PRELID2: variants seen among roughly 807,000 people sequenced by gnomAD.
PRELID2 encodes the protein PRELI domain-containing protein 2.
PRELID2 carries 25 observed loss-of-function variants against 28.4 expected under a neutral mutation model. The ratio of observed to expected loss-of-function variants is 0.88; its 90% CI spans 0.64 to 1.23. The LOEUF (loss-of-function observed/expected upper bound fraction) is 1.23. Among genes scored for constraint, PRELID2 ranks in the 50% most tolerant of loss-of-function variants. The pLI, the probability that PRELID2 is intolerant of heterozygous loss-of-function variation, is 0.00. For synonymous variants in PRELID2, 76 were observed against 71.6 expected (o/e 1.06, Z -0.31); for missense variants, 201 against 214.4 (o/e 0.94, Z 0.39).
the PRELID2 span, among the ~76,000 whole-genome samples, chr5:145,341,863 C>G: frequency 1.6e-4 from 24 of 152,012 alleles, no homozygotes; most frequent in Non-Finnish European, 5.9e-5. Context: ...ATAAATTTCC[C>G]AAGTCTAGCA....
chr5:145,279,687 C>T, the PRELID2 span, among the ~76,000 whole-genome samples: 1 of 152,014 alleles, frequency 6.6e-6, no homozygotes, highest in East Asian at 1.9e-4. Context: ...TTTAGTTTTT[C>T]AATTAAATTC....
At chr5:145,701,657 A>T (rs187043150) in intron 1 of PRELID2, among the ~76,000 whole-genome samples, 15 of 152,258 alleles carry the variant, frequency 9.9e-5, no homozygotes, top group Admixed American at 6.5e-5. Context: ...TCTAAAAATC[A>T]ATAAATGACC....
At chr5:145,341,512 C>A in the PRELID2 span, among the ~76,000 whole-genome samples, 2 of 151,890 alleles carry the variant, frequency 1.3e-5, no homozygotes, top group Non-Finnish European at 2.9e-5. Flanking sequence ...TGCACTCCAA[C>A]CTGGGCAACA....
At chr5:145,417,550 T>C in the PRELID2 span, among the ~76,000 whole-genome samples, 1 of 152,126 alleles carries the variant, frequency 6.6e-6, no homozygotes, top group Non-Finnish European at 1.5e-5. Context: ...TTATCCACCA[T>C]GATCAAGTTG....
chr5:145,796,321 A>T, intron 5 of PRELID2, 121 bp downstream of exon 5: 1 of 516,100 alleles, frequency 1.9e-6, no homozygotes. Context: ...TTTTGCATAT[A>T]TTTGTTTATT....
chr5:145,683,747 T>A (rs1754983240), intron 1 of PRELID2, among the ~76,000 whole-genome samples: 2 of 152,184 alleles, frequency 1.3e-5, no homozygotes, highest in South Asian at 4.2e-4. Flanking sequence ...ACACATGAAT[T>A]GTAGGAGAGA....
At chr5:145,664,146 ATTG>A (rs1186940635) in intron 1 of PRELID2, among the ~76,000 whole-genome samples, 2 of 152,148 alleles carry the variant, frequency 1.3e-5, no homozygotes, top group East Asian at 1.9e-4. Context: ...GTGCTGGTAA[ATTG>A]TTGTTCCTTG....
chr5:145,579,609 T>C lies in PRELID2; in HGVS notation n.71-106294A>G, dbSNP rs959533760. Among the ~76,000 whole-genome samples the C allele has an allele frequency of 3.9e-5, 6 of 152,244 alleles. No homozygotes were observed. The East Asian group carries it at 1.2e-3, about 29-fold the overall frequency. On this transcript the variant is annotated intron_variant and non_coding_transcript_variant, in intron 1 of 2. Transcript: ENST00000510259. Reference sequence around the variant, plus strand: ...AGCAAATAGAGTTGTCTGTAGACACTGGCTGGAGTGAATCATTGAGTCACC... The same window carrying C: ...AGCAAATAGAGTTGTCTGTAGACACCGGCTGGAGTGAATCATTGAGTCACC...
chr5:145,791,071 A>G (rs1166523614), intron 5 of PRELID2, among the ~76,000 whole-genome samples: 1 of 152,062 alleles, frequency 6.6e-6, no homozygotes, highest in Non-Finnish European at 1.5e-5. Context: ...CCACTGAGTA[A>G]TTTATAAAGG....
chr5:145,329,484 G>T, the PRELID2 span, among the ~76,000 whole-genome samples: 2 of 152,216 alleles, frequency 1.3e-5, no homozygotes, highest in Admixed American at 1.3e-4. Context: ...TCTCCTTGAA[G>T]AGGCCCTTCA....
chr5:145,426,532 A>G, the PRELID2 span, among the ~76,000 whole-genome samples: 2 of 152,322 alleles, frequency 1.3e-5, no homozygotes, highest in African/African-American at 4.8e-5. Flanking sequence ...ACCAAGTATA[A>G]TATAAAGGGG....
At chr5:145,363,915 A>G in the PRELID2 span, among the ~76,000 whole-genome samples, 1 of 152,048 alleles carries the variant, frequency 6.6e-6, no homozygotes, top group East Asian at 1.9e-4. Context: ...GAAACATTTA[A>G]ACTTTCAGTA....
chr5:145,426,926 C>T, the PRELID2 span, among the ~76,000 whole-genome samples: 1 of 152,164 alleles, frequency 6.6e-6, no homozygotes, highest in African/African-American at 2.4e-5. Context: ...CGCATGGAGG[C>T]TTCCAAAGAC....
the PRELID2 span, among the ~76,000 whole-genome samples, chr5:145,461,695 A>G: frequency 3.3e-5 from 5 of 152,194 alleles, no homozygotes; most frequent in Non-Finnish European, 7.3e-5. Flanking sequence ...AATTATTGTT[A>G]TTCTATAAAA....
At chr5:145,733,446 T>G (rs1435010170) in intron 1 of PRELID2, among the ~76,000 whole-genome samples, 1 of 152,190 alleles carries the variant, frequency 6.6e-6, no homozygotes. Flanking sequence ...GTGAATAATT[T>G]TATCTTAAAG....
intron 1 of PRELID2, among the ~76,000 whole-genome samples, chr5:145,742,144 T>C (rs1480918097): frequency 8.1e-6 from 1 of 123,048 alleles, no homozygotes; most frequent in Non-Finnish European, 1.6e-5. Context: ...ATAAATAAAT[T>C]TATTTATTTA....
chr5:145,529,110 G>A (rs1752634537), intron 1 of PRELID2, among the ~76,000 whole-genome samples: 1 of 152,120 alleles, frequency 6.6e-6, no homozygotes, highest in Admixed American at 6.6e-5. Context: ...AAATTAATTT[G>A]GCATATAATG....
At chr5:145,234,920 T>A in the PRELID2 span, among the ~76,000 whole-genome samples, 1 of 152,136 alleles carries the variant, frequency 6.6e-6, no homozygotes, top group Non-Finnish European at 1.5e-5. Flanking sequence ...CAGTATGTCC[T>A]CTTCTTCCTC....
intron 1 of PRELID2, among the ~76,000 whole-genome samples, chr5:145,553,182 A>AC (rs1181624545): frequency 0.086 from 9,158 of 106,450 alleles, 387 homozygotes; most frequent in South Asian, 0.12. Flanking sequence ...TTGCTAGAGG[A>AC]CCCCCCCCCC....
Sources: allele counts gnomAD v4.1 joint callset (sites outside exome capture counted in the v4.1 genomes callset), GRCh38; gene constraint gnomAD v4.1.1; transcripts MANE v1.5; gene names NCBI Gene and HGNC (gene_info 2026-07-23, HGNC 2026-07-21).